Variants in IKZF1 observed in about 807,000 individuals in gnomAD.
IKZF1 encodes DNA-binding protein Ikaros.
IKZF1 carries 10 observed loss-of-function variants against 51.7 expected under a neutral mutation model. The ratio of observed to expected loss-of-function variants is 0.19; its 90% CI spans 0.12 to 0.33. The LOEUF (loss-of-function observed/expected upper bound fraction) is 0.33. Among genes scored for constraint, IKZF1 ranks in the 10% least tolerant of loss-of-function variants. The pLI is 1.00. For missense variants in IKZF1, 484 were observed against 707.5 expected (o/e 0.68, Z 3.58); for synonymous variants, 280 against 282.3 (o/e 0.99, Z 0.08).
At chr7:50,318,974 C>A in intron 1 of IKZF1, 74 bp from the exon 2 acceptor site, 1 of 934,060 alleles carries the variant, frequency 1.1e-6, no homozygotes, top group Non-Finnish European at 1.7e-6. Flanking sequence ...CATAGGGGTT[C>A]TTTATCTCTC....
intron 7 of IKZF1, among the ~76,000 whole-genome samples, chr7:50,393,037 C>T (rs1249560474): frequency 1.3e-5 from 2 of 152,082 alleles, no homozygotes; most frequent in Non-Finnish European, 1.5e-5. Context: ...GAAAGAAGCA[C>T]TGGCATATTT....
intron 7 of IKZF1, chr7:50,394,219 T>C: frequency 4.3e-6 from 1 of 232,982 alleles, no homozygotes; most frequent in Non-Finnish European, 8.5e-6. Flanking sequence ...CTGCATAATC[T>C]GTTGGTGCTT....
intron 7 of IKZF1, among the ~76,000 whole-genome samples, chr7:50,398,750 G>A (rs773584759): frequency 4.6e-5 from 7 of 152,174 alleles, no homozygotes; most frequent in African/African-American, 1.2e-4. Context: ...AATATAAACC[G>A]TTCAGACATT....
At chr7:50,307,652 A>G (rs897675167) in intron 1 of IKZF1, among the ~76,000 whole-genome samples, 5 of 152,234 alleles carry the variant, frequency 3.3e-5, no homozygotes, top group Admixed American at 6.5e-5. Flanking sequence ...CAAGTGACCC[A>G]TCCTTTGAAG....
chr7:50,365,679 T>C (rs1431115310), intron 3 of IKZF1, among the ~76,000 whole-genome samples: 1 of 152,186 alleles, frequency 6.6e-6, no homozygotes, highest in East Asian at 1.9e-4. Context: ...TTATACACTG[T>C]TGAGGGGATT....
rs563792413 is a variant in IKZF1 at position 50,392,421 on chromosome 7, G to A, written c.850+558G>A. ...AAGAAGAAGAAGAACAAGACCATTC[G>A]TCTCTCTAGGAGCATTGCCCAGAGT... On this transcript the variant is annotated intron_variant, in intron 7 of 7. Transcript: ENST00000331340. Among the ~76,000 whole-genome samples, 31 of 152,170 alleles carry A rather than the reference G, an allele frequency of 2.0e-4. 1 individual carries two copies. The South Asian group carries it at 6.2e-3, about 30-fold the overall frequency.
chr7:50,368,294 G>C (rs1205507307), intron 3 of IKZF1: 1 of 703,374 alleles, frequency 1.4e-6, no homozygotes, highest in Admixed American at 2.0e-5. Flanking sequence ...GTAACAGTAA[G>C]GGTTGGAGTC....
At chr7:50,356,680 C>T (rs1004312969) in intron 3 of IKZF1, among the ~76,000 whole-genome samples, 3 of 152,194 alleles carry the variant, frequency 2.0e-5, no homozygotes, top group Non-Finnish European at 2.9e-5. Flanking sequence ...CTTTGTATTT[C>T]GGTTGGGCTG....
At chr7:50,389,088 C>T (rs747566156) in intron 6 of IKZF1, among the ~76,000 whole-genome samples, 2 of 152,168 alleles carry the variant, frequency 1.3e-5, no homozygotes, top group Admixed American at 6.5e-5. Flanking sequence ...GAGCTGCTTC[C>T]GGGGGAGCAG....
At chr7:50,371,245 G>A (rs1186955172) in intron 3 of IKZF1, among the ~76,000 whole-genome samples, 1 of 152,176 alleles carries the variant, frequency 6.6e-6, no homozygotes, top group African/African-American at 2.4e-5. Flanking sequence ...GAGGTGCTCA[G>A]CTTCAGTAAG....
intron 4 of IKZF1, among the ~76,000 whole-genome samples, chr7:50,380,738 G>C (rs890022102): frequency 6.6e-6 from 1 of 152,174 alleles, no homozygotes; most frequent in Non-Finnish European, 1.5e-5. Context: ...TATCCACTTG[G>C]AGTTAAATGC....
chr7:50,344,760 G>C (rs541386076), intron 3 of IKZF1, among the ~76,000 whole-genome samples: 3 of 152,178 alleles, frequency 2.0e-5, no homozygotes, highest in Non-Finnish European at 4.4e-5. Flanking sequence ...ACTAAATTCA[G>C]TGTATTGTGA....
chr7:50,333,598 A>G (rs1343723182), intron 3 of IKZF1, among the ~76,000 whole-genome samples: 1 of 152,238 alleles, frequency 6.6e-6, no homozygotes, highest in Non-Finnish European at 1.5e-5. Context: ...CATTAGCTGC[A>G]GCTGAACTCA....
At chr7:50,373,797 G>A (rs1255395552) in intron 3 of IKZF1, among the ~76,000 whole-genome samples, 2 of 152,172 alleles carry the variant, frequency 1.3e-5, no homozygotes, top group Admixed American at 6.5e-5. Context: ...GCCTCTACCT[G>A]AGAGTACCAA....
intron 3 of IKZF1, among the ~76,000 whole-genome samples, chr7:50,373,268 C>T (rs1809250783): frequency 6.6e-6 from 1 of 152,212 alleles, no homozygotes; most frequent in Admixed American, 6.5e-5. Context: ...GTTCTGCTCC[C>T]CACCTGCAAG....
intron 3 of IKZF1, among the ~76,000 whole-genome samples, chr7:50,341,762 G>A (rs1799121140): frequency 6.6e-6 from 1 of 152,054 alleles, no homozygotes; most frequent in Non-Finnish European, 1.5e-5. Context: ...ATTTAAGTAT[G>A]TACTCAATAT....
chr7:50,397,176 TTC>T (rs1383452715), intron 7 of IKZF1, among the ~76,000 whole-genome samples: 5 of 152,234 alleles, frequency 3.3e-5, no homozygotes, highest in African/African-American at 9.6e-5. Context: ...TGTCAGAATT[TTC>T]TGTTTCTTTC....
At chr7:50,330,973 CT>C in intron 3 of IKZF1, among the ~76,000 whole-genome samples, 1 of 152,258 alleles carries the variant, frequency 6.6e-6, no homozygotes, top group Non-Finnish European at 1.5e-5. Context: ...TCTGGCAAGG[CT>C]TTTCTTCTCT....
intron 6 of IKZF1, among the ~76,000 whole-genome samples, chr7:50,390,763 C>T (rs767504035): frequency 6.6e-6 from 1 of 152,192 alleles, no homozygotes; most frequent in Non-Finnish European, 1.5e-5. Context: ...AGAATAATGT[C>T]AAGTGATGTA....
Sources: gnomAD v4.1 joint callset for allele counts (sites outside exome capture counted in the v4.1 genomes callset) on GRCh38, gnomAD v4.1.1 for gene constraint, MANE v1.5 for transcripts, NCBI Gene and HGNC (gene_info 2026-07-23, HGNC 2026-07-21) for gene names.